CEP128: variants seen among roughly 807,000 people sequenced by gnomAD.
CEP128 encodes centrosomal protein 128kDa.
A neutral mutation model predicts 156.7 loss-of-function variants in CEP128; 132 were observed. The observed-to-expected ratio is 0.84, with a 90% CI of 0.73 to 0.97. The LOEUF is 0.97. Ranked by LOEUF, CEP128 falls within the 50% of genes least tolerant of loss-of-function variation. The pLI, the probability that CEP128 is intolerant of heterozygous loss-of-function variation, is 0.00. For synonymous variants in CEP128, 469 were observed against 448.9 expected (o/e 1.04, Z -0.57); for missense variants, 1,252 against 1,281.9 (o/e 0.98, Z 0.36).
intron 19 of CEP128, among the ~76,000 whole-genome samples, chr14:80,645,454 T>C (rs752819125): frequency 3.6e-4 from 55 of 152,098 alleles, no homozygotes; most frequent in Admixed American, 1.2e-3. Context: ...ATAATTATTA[T>C]ATGGAGTAGG....
In CEP128 at chr14:80,819,316, G is replaced by A. The variant is rs190980530; in HGVS notation, c.1209+11827C>T. On this transcript the variant is annotated intron_variant, in intron 13 of 24. Coordinates refer to ENST00000555265, the MANE Select transcript of CEP128 (RefSeq NM_152446.5). ...GGCTGGAGTGCAGTGGCGCAATCTC[G>A]GCTCACTGCAACCTCCGTCTCCCGG... Among the ~76,000 whole-genome samples, 995 of 135,190 alleles carry A rather than the reference G, an allele frequency of 7.4e-3. 13 individuals carry two copies. Among genetic ancestry groups the A allele is most frequent in the African/African-American group, 0.027 (924 of 34,724 alleles). 88.7% of individuals were successfully genotyped at this position (135,190 alleles called of 152,430 possible). A position where few individuals can be genotyped will look rare whatever the true frequency, so the allele number is the denominator to read the frequency against.
At chr14:80,904,467 T>C (rs1883767601) in intron 6 of CEP128, among the ~76,000 whole-genome samples, 1 of 152,120 alleles carries the variant, frequency 6.6e-6, no homozygotes, top group Admixed American at 6.6e-5. Flanking sequence ...TAATGTATTA[T>C]ATATTTCAAA....
chr14:80,916,490 A>G lies in CEP128; in HGVS notation c.58T>C (p.Trp20Arg), dbSNP rs1290809700. Residue 20 changes from tryptophan (W) to arginine (R), a missense_variant, in exon 3 of 25, where the codon TGG becomes CGG. Trp to Arg is a moderately radical substitution (Grantham distance 101). Coordinates refer to ENST00000555265, the MANE Select transcript of CEP128 (RefSeq NM_152446.5). ...CCCCTGTGCGTTGATCTGGCAGCCC[A>G]TGGACTCAATCGGTCACGACAGCGG... is the stretch of plus-strand genomic sequence containing the variant. Reference protein sequence around the residue: ...HFRCRDRLSPWAARSTHRGTR... With the variant: ...HFRCRDRLSPRAARSTHRGTR... 1.2e-6 allele frequency: 2 copies of G among 1,614,096 alleles called. No individual in the cohort carries two copies. Among genetic ancestry groups the G allele is most frequent in the South Asian group, 2.2e-5 (2 of 91,084 alleles).
intron 19 of CEP128, among the ~76,000 whole-genome samples, chr14:80,652,498 GA>G (rs1301641304): frequency 6.6e-6 from 1 of 151,614 alleles, no homozygotes; most frequent in African/African-American, 2.4e-5. Flanking sequence ...AAATTTACAA[GA>G]AAAAAACAAC....
chr14:80,916,294 C>CTT, intron 3 of CEP128, 107 bp downstream of exon 3: 1 of 880,052 alleles, frequency 1.1e-6, no homozygotes, highest in Non-Finnish European at 1.8e-6. Context: ...AAGACATTAG[C>CTT]TTTGCAGTAA....
chr14:80,554,723 G>T (rs1228640460), intron 21 of CEP128, among the ~76,000 whole-genome samples: 1 of 151,722 alleles, frequency 6.6e-6, no homozygotes, highest in Non-Finnish European at 1.5e-5. Context: ...ATGGACAATG[G>T]TCTTTTTTAT....
intron 19 of CEP128, among the ~76,000 whole-genome samples, chr14:80,696,485 A>G (rs1324775113): frequency 6.6e-6 from 1 of 152,210 alleles, no homozygotes; most frequent in Non-Finnish European, 1.5e-5. Context: ...TTAGGAAACA[A>G]CAAAATTTAA....
chr14:80,590,851 T>C (rs1353911839), intron 19 of CEP128, among the ~76,000 whole-genome samples: 1 of 152,162 alleles, frequency 6.6e-6, no homozygotes, highest in African/African-American at 2.4e-5. Context: ...GGGGCCAATA[T>C]TCAACATTCT....
chr14:80,836,417 G>C (rs1886081389), intron 11 of CEP128, 80 bp from the exon 12 acceptor site: 17 of 1,500,160 alleles, frequency 1.1e-5, no homozygotes, highest in Non-Finnish European at 1.4e-5. Context: ...GTAAACACAA[G>C]TTGAATCCAG....
At chr14:80,607,517 T>C (rs1485946060) in intron 19 of CEP128, among the ~76,000 whole-genome samples, 1 of 152,178 alleles carries the variant, frequency 6.6e-6, no homozygotes, top group Admixed American at 6.6e-5. Context: ...CCTAGGTGTG[T>C]TACAATAAAT....
At chr14:80,656,287 A>ATATT (rs55893934) in intron 19 of CEP128, among the ~76,000 whole-genome samples, 1 of 7,366 alleles carries the variant, frequency 1.4e-4, no homozygotes. Flanking sequence ...ATTTATATAT[A>ATATT]TATTTATATA....
At chr14:80,828,002 G>A (rs915817703) in intron 13 of CEP128, among the ~76,000 whole-genome samples, 1 of 152,016 alleles carries the variant, frequency 6.6e-6, no homozygotes, top group African/African-American at 2.4e-5. Flanking sequence ...ACAAGACCTT[G>A]AAACATGATG....
intron 23 of CEP128, among the ~76,000 whole-genome samples, chr14:80,520,280 A>G (rs1888677779): frequency 6.6e-6 from 1 of 152,072 alleles, no homozygotes; most frequent in Non-Finnish European, 1.5e-5. Context: ...TTAGCCAGGC[A>G]TAGTGGCGCA....
chr14:80,504,826 T>C, intron 24 of CEP128, 86 bp downstream of exon 24: 1 of 563,696 alleles, frequency 1.8e-6, no homozygotes, highest in Non-Finnish European at 3.1e-6. Flanking sequence ...AATATTACTA[T>C]CATATACTGG....
intron 22 of CEP128, among the ~76,000 whole-genome samples, chr14:80,530,517 C>T (rs1471970161): frequency 6.6e-6 from 1 of 152,164 alleles, no homozygotes; most frequent in African/African-American, 2.4e-5. Flanking sequence ...ATGTGTAACT[C>T]CCTTTAATTC....
chr14:80,539,583 T>C (rs935861784), intron 21 of CEP128, among the ~76,000 whole-genome samples: 2 of 152,158 alleles, frequency 1.3e-5, no homozygotes, highest in Admixed American at 6.5e-5. Flanking sequence ...ACTGTACAAA[T>C]TGATTGTAAA....
rs59491221 is a variant in CEP128 at position 80,935,556 on chromosome 14, C to CAATAAATAAATA, written c.-16+3817_-16+3828dup. ...AGTAAGACAGAGTAAGAGTCTGTCTCAATAAATAAATAAATAAATAAATAA... is the reference window on the plus strand; with the variant it reads ...AGTAAGACAGAGTAAGAGTCTGTCTCAATAAATAAATAAATAAATAAATAAATAAATAAATAA... On this transcript the variant is annotated intron_variant, in intron 2 of 24. Transcript: ENST00000555265. Among the ~76,000 whole-genome samples, 473 of 113,926 alleles carry CAATAAATAAATA rather than the reference C, an allele frequency of 4.2e-3. 2 individuals are homozygous for CAATAAATAAATA. The highest frequency in any genetic ancestry group is 0.017 in the South Asian group (53 of 3,182). The allele number at this position is 113,926 out of a possible 152,430, so 74.7% of individuals were successfully genotyped here.
chr14:80,725,034 A>G (rs1291399769), intron 19 of CEP128, among the ~76,000 whole-genome samples: 2 of 147,744 alleles, frequency 1.4e-5, no homozygotes, highest in Admixed American at 1.4e-4. Flanking sequence ...ATATATATAT[A>G]TATGTCAGTG....
Position 80,778,042 on chromosome 14 carries a change from T to A in CEP128, c.2216A>T (p.Glu739Val). The A allele has an allele frequency of 1.2e-6, 2 of 1,611,450 alleles. No homozygotes were observed. Among genetic ancestry groups the A allele is most frequent in the Non-Finnish European group, 1.7e-6 (2 of 1,179,476 alleles). ...AENHIRTLKAESLEEKNMAKI... is the reference protein window; with the variant it reads ...AENHIRTLKAVSLEEKNMAKI... ...AGCCATATTCTTCTCTTCTAAACTTTCAGCCTGAGAAAAAGAGAAGGAAAA... is the reference window on the plus strand; with the variant it reads ...AGCCATATTCTTCTCTTCTAAACTTACAGCCTGAGAAAAAGAGAAGGAAAA... The change falls in exon 16 of 25, where the codon GAA (glutamate) becomes GTA (valine). Residue 739 changes from glutamate (E) to valine (V), a missense_variant. Glu to Val is a moderately radical substitution (Grantham distance 121). Coordinates refer to ENST00000555265, the MANE Select transcript of CEP128 (RefSeq NM_152446.5).
Sources: gnomAD v4.1 joint callset for allele counts (sites outside exome capture counted in the v4.1 genomes callset) on GRCh38, gnomAD v4.1.1 for gene constraint, MANE v1.5 for transcripts, NCBI Gene and HGNC (gene_info 2026-07-23, HGNC 2026-07-21) for gene names.